NEGR1: variants seen among roughly 807,000 people sequenced by gnomAD.
NEGR1 encodes the protein neuronal growth regulator 1.
NEGR1 carries 10 observed loss-of-function variants against 40.9 expected under a neutral mutation model. The ratio of observed to expected loss-of-function variants is 0.24; its 90% CI spans 0.15 to 0.42. The LOEUF is 0.42. NEGR1 is among the 10% of genes least tolerant of loss of function. The pLI, the probability that NEGR1 is intolerant of heterozygous loss-of-function variation, is 1.00. For missense variants in NEGR1, 352 were observed against 438.9 expected (o/e 0.80, Z 1.77); for synonymous variants, 185 against 166.8 (o/e 1.11, Z -0.84).
chr1:72,252,250 G>T (rs1370848182), intron 1 of NEGR1, among the ~76,000 whole-genome samples: 1 of 151,892 alleles, frequency 6.6e-6, no homozygotes, highest in Non-Finnish European at 1.5e-5. Context: ...CTCCATGTGG[G>T]TCAGGCTGGT....
chr1:72,099,551 T>C (rs1416438246), intron 1 of NEGR1, among the ~76,000 whole-genome samples: 1 of 152,006 alleles, frequency 6.6e-6, no homozygotes, highest in Non-Finnish European at 1.5e-5. Context: ...ATAAATTTTC[T>C]TCTTTAGTAG....
chr1:72,166,212 G>T (rs1651759626), intron 1 of NEGR1, among the ~76,000 whole-genome samples: 1 of 151,886 alleles, frequency 6.6e-6, no homozygotes, highest in South Asian at 2.1e-4. Flanking sequence ...GACTTTTACT[G>T]CCAAGTTTCA....
chr1:71,584,475 C>T (rs1432787086), intron 6 of NEGR1, among the ~76,000 whole-genome samples: 1 of 152,106 alleles, frequency 6.6e-6, no homozygotes, highest in Non-Finnish European at 1.5e-5. Context: ...CATAATGATA[C>T]TCAGACCTTC....
chr1:71,754,998 C>T (rs1411552330), intron 3 of NEGR1, among the ~76,000 whole-genome samples: 3 of 152,162 alleles, frequency 2.0e-5, no homozygotes, highest in Admixed American at 6.6e-5. Flanking sequence ...ATTTATTGTC[C>T]TGACCTCTTC....
At chr1:71,951,565 A>C (rs1646070678) in intron 1 of NEGR1, among the ~76,000 whole-genome samples, 1 of 151,994 alleles carries the variant, frequency 6.6e-6, no homozygotes, top group African/African-American at 2.4e-5. Flanking sequence ...AGTTCTGGCC[A>C]TGCAAGTAGA....
At chr1:72,123,249 C>T (rs906739366) in intron 1 of NEGR1, among the ~76,000 whole-genome samples, 1 of 151,506 alleles carries the variant, frequency 6.6e-6, no homozygotes, top group Non-Finnish European at 1.5e-5. Flanking sequence ...TGAAAAGTTA[C>T]TTATGAATAA....
chr1:72,240,463 G>C (rs1020422545), intron 1 of NEGR1, among the ~76,000 whole-genome samples: 1 of 151,746 alleles, frequency 6.6e-6, no homozygotes, highest in Non-Finnish European at 1.5e-5. Flanking sequence ...CTACAGACAA[G>C]AGCAGAGATC....
rs1198749162 is a variant in NEGR1 at position 71,759,309 on chromosome 1, T to A, written c.535+16863A>T. Among the ~76,000 whole-genome samples the A allele has an allele frequency of 5.0e-5, 7 of 139,160 alleles. No individual in the cohort carries two copies. In the Admixed American group the frequency reaches 5.1e-4, roughly 10 times the overall value. The allele number at this position is 139,160 out of a possible 152,430, so 91.3% of individuals were successfully genotyped here. On this transcript the variant is annotated intron_variant, in intron 3 of 6. Coordinates refer to ENST00000357731, the MANE Select transcript of NEGR1 (RefSeq NM_173808.3). ...TAACTTTTTTTTTTTTTTTTTTTTT[T>A]TTTTTTGAGACATAGTCTCACTTTG...
chr1:71,513,638 G>C (rs1349348374), intron 6 of NEGR1, among the ~76,000 whole-genome samples: 1 of 152,180 alleles, frequency 6.6e-6, no homozygotes, highest in African/African-American at 2.4e-5. Context: ...TTTTCATCCT[G>C]ATTTTATAGG....
At position 71,886,452 on chromosome 1, in the gene NEGR1, T is replaced by C. The variant is rs1343024658; in HGVS notation, c.409+48627A>G. On this transcript the variant is annotated intron_variant, in intron 2 of 6. Coordinates refer to ENST00000357731, the MANE Select transcript of NEGR1 (RefSeq NM_173808.3). ...AAATGACCAGTGTGTTCTTAGTTTA[T>C]GGGGGAAAAAAAAAAAAACAAAGGA... is the stretch of plus-strand genomic sequence containing the variant. 2.1e-5 allele frequency among the ~76,000 whole-genome samples: 3 copies of C among 145,486 alleles called. No homozygotes were observed. The East Asian group carries it at 6.0e-4, about 29-fold the overall frequency.
At chr1:72,042,747 A>G (rs1250603069) in intron 1 of NEGR1, among the ~76,000 whole-genome samples, 1 of 152,018 alleles carries the variant, frequency 6.6e-6, no homozygotes, top group Non-Finnish European at 1.5e-5. Flanking sequence ...TGTATATTAC[A>G]CATGCCTAGA....
intron 1 of NEGR1, among the ~76,000 whole-genome samples, chr1:72,071,301 T>C (rs1647451769): frequency 6.6e-6 from 1 of 151,866 alleles, no homozygotes; most frequent in Non-Finnish European, 1.5e-5. Flanking sequence ...AAATGGAAAA[T>C]ATTAAAAATA....
At chr1:71,790,330 A>T (rs1308181520) in intron 2 of NEGR1, among the ~76,000 whole-genome samples, 1 of 152,098 alleles carries the variant, frequency 6.6e-6, no homozygotes, top group Non-Finnish European at 1.5e-5. Flanking sequence ...ATTTTAAGCA[A>T]CTTGGATGTA....
At chr1:71,735,554 T>C (rs1283352451) in intron 3 of NEGR1, among the ~76,000 whole-genome samples, 1 of 151,896 alleles carries the variant, frequency 6.6e-6, no homozygotes, top group East Asian at 1.9e-4. Context: ...AGGAGCATAG[T>C]ACAATTACAG....
At chr1:71,717,719 G>A (rs553784477) in intron 3 of NEGR1, among the ~76,000 whole-genome samples, 1 of 152,284 alleles carries the variant, frequency 6.6e-6, no homozygotes, top group African/African-American at 2.4e-5. Context: ...CTAAAGCCCA[G>A]TACTTCAGAA....
chr1:71,670,128 G>T (rs1652370646), intron 4 of NEGR1, among the ~76,000 whole-genome samples: 1 of 151,938 alleles, frequency 6.6e-6, no homozygotes, highest in East Asian at 1.9e-4. Context: ...TTTCTTCCAG[G>T]GCTCATCTAC....
chr1:72,215,307 A>C (rs2100470604), intron 1 of NEGR1, among the ~76,000 whole-genome samples: 1 of 152,266 alleles, frequency 6.6e-6, no homozygotes, highest in South Asian at 2.1e-4. Context: ...AGGCACGGGC[A>C]AAGACTTCAT....
chr1:71,858,861 G>GT (rs966924076), intron 2 of NEGR1, among the ~76,000 whole-genome samples: 7 of 151,924 alleles, frequency 4.6e-5, no homozygotes, highest in Non-Finnish European at 8.8e-5. Flanking sequence ...TATTTTTGTG[G>GT]TTTTTTAAAA....
intron 2 of NEGR1, among the ~76,000 whole-genome samples, chr1:71,905,467 G>T (rs1661250982): frequency 4.0e-5 from 6 of 151,694 alleles, no homozygotes; most frequent in Admixed American, 1.3e-4. Flanking sequence ...AAATCATTAT[G>T]TGGTTGGAAT....
Sources: allele counts gnomAD v4.1 joint callset (sites outside exome capture counted in the v4.1 genomes callset), GRCh38; gene constraint gnomAD v4.1.1; transcripts MANE v1.5; gene names NCBI Gene and HGNC (gene_info 2026-07-23, HGNC 2026-07-21).